CFHR2: variants seen among roughly 807,000 people sequenced by gnomAD.
CFHR2 encodes the protein complement factor H-related protein 2.
CFHR2 carries 22 observed loss-of-function variants against 21.7 expected under a neutral mutation model. That is an observed-to-expected ratio of 1.01 (90% confidence interval 0.72 to 1.45). The LOEUF (loss-of-function observed/expected upper bound fraction) is 1.45, where lower values mean the gene tolerates loss of function less well. Among genes scored for constraint, CFHR2 ranks in the 40% most tolerant of loss-of-function variants. The pLI, the probability that CFHR2 is intolerant of heterozygous loss-of-function variation, is 0.00. For synonymous variants in CFHR2, 98 were observed against 97.4 expected (o/e 1.01, Z -0.04); for missense variants, 294 against 293.3 (o/e 1.00, Z -0.02).
intron 3 of CFHR2, among the ~76,000 whole-genome samples, chr1:196,955,935 C>T (rs1571494980): frequency 6.6e-6 from 1 of 152,266 alleles, no homozygotes; most frequent in East Asian, 1.9e-4. Flanking sequence ...ACAATAATGG[C>T]AGAAGCGGGG....
At chr1:196,953,805 T>C (rs548073479) in intron 3 of CFHR2, among the ~76,000 whole-genome samples, 194 of 152,330 alleles carry the variant, frequency 1.3e-3, no homozygotes, top group Non-Finnish European at 2.2e-3. Flanking sequence ...TTACTTTAAA[T>C]ATTTATGAGA....
intron 1 of CFHR2, 50 bp from the exon 2 acceptor site, chr1:196,949,405 T>C: frequency 6.6e-7 from 1 of 1,521,846 alleles, no homozygotes; most frequent in Non-Finnish European, 9.0e-7. Context: ...TCTAGTGATT[T>C]ATTTATGTAG....
At chr1:196,950,024 G>A (rs1406602605) in intron 2 of CFHR2, among the ~76,000 whole-genome samples, 1 of 152,090 alleles carries the variant, frequency 6.6e-6, no homozygotes, top group Non-Finnish European at 1.5e-5. Flanking sequence ...CATATTACAA[G>A]GAGGTTTAGC....
chr1:196,951,452 T>A (rs1659723496), intron 3 of CFHR2, among the ~76,000 whole-genome samples: 1 of 152,210 alleles, frequency 6.6e-6, no homozygotes, highest in African/African-American at 2.4e-5. Flanking sequence ...CAATAAATCA[T>A]CAATTCTTAA....
intron 3 of CFHR2, among the ~76,000 whole-genome samples, chr1:196,952,178 A>T (rs1052231515): frequency 2.0e-4 from 30 of 152,108 alleles, no homozygotes; most frequent in African/African-American, 7.2e-4. Flanking sequence ...GGTAAGTCTG[A>T]AGTAGGAGGA....
At chr1:196,957,305 A>T (rs1206194905) in intron 3 of CFHR2, among the ~76,000 whole-genome samples, 1 of 151,684 alleles carries the variant, frequency 6.6e-6, no homozygotes, top group Non-Finnish European at 1.5e-5. Flanking sequence ...CAGCAACTTC[A>T]AATTCTCTAC....
intron 1 of CFHR2, among the ~76,000 whole-genome samples, chr1:196,945,246 T>G (rs1229092716): frequency 6.7e-6 from 1 of 149,612 alleles, no homozygotes; most frequent in Non-Finnish European, 1.5e-5. Flanking sequence ...ATTGTATGAG[T>G]GTATTTGATT....
chr1:196,956,769 C>T (rs1652898273), intron 3 of CFHR2, among the ~76,000 whole-genome samples: 1 of 151,242 alleles, frequency 6.6e-6, no homozygotes, highest in Non-Finnish European at 1.5e-5. Context: ...TAATAATTGT[C>T]TTTTCCCTTT....
chr1:196,959,198 T>C lies in CFHR2; in HGVS notation c.*118T>C. 1 of 768,680 alleles carries C rather than the reference T, an allele frequency of 1.3e-6. No individual in the cohort carries two copies. Among genetic ancestry groups the C allele is most frequent in the Non-Finnish European group, 2.0e-6 (1 of 492,936 alleles). The allele number at this position is 768,680 out of a possible 1,614,324, so 47.6% of individuals were successfully genotyped here. A position where few individuals can be genotyped will look rare whatever the true frequency, so the allele number is the denominator to read the frequency against. ...TCATTTTTATTCATAAATAAAGTTT[T>C]GTGTTGATTTGTGAAAATGCAATTA... On this transcript the variant is annotated 3_prime_UTR_variant, in exon 5 of 5. Transcript: ENST00000367415.
At chr1:196,950,047 A>G (rs545338751) in intron 2 of CFHR2, among the ~76,000 whole-genome samples, 72 of 152,310 alleles carry the variant, frequency 4.7e-4, no homozygotes, top group African/African-American at 1.6e-3. Context: ...TTTCACTTTT[A>G]TATTTCAATA....
intron 3 of CFHR2, 146 bp from the exon 4 acceptor site, chr1:196,957,745 G>A (rs1238561337): frequency 1.2e-5 from 8 of 692,528 alleles, no homozygotes; most frequent in Non-Finnish European, 1.9e-5. Flanking sequence ...CTTTCAGTTT[G>A]TAGGATAAAT....
chr1:196,958,415 T>TGAGA lies in CFHR2; in HGVS notation c.613+361_613+364dup, dbSNP rs894664239. Among the ~76,000 whole-genome samples the TGAGA allele has an allele frequency of 4.8e-5, 7 of 145,182 alleles. No individual in the cohort carries two copies. The East Asian group carries it at 6.0e-4, about 12-fold the overall frequency. On this transcript the variant is annotated intron_variant, in intron 4 of 4. Transcript: ENST00000367415. ...GTAAGTGTGTGTGTGTGTGTGTGTGTGAGAGAGAGAGAGAGAGAGAGATGA... is the reference window on the plus strand; with the variant it reads ...GTAAGTGTGTGTGTGTGTGTGTGTGTGAGAGAGAGAGAGAGAGAGAGAGAGATGA...
intron 3 of CFHR2, among the ~76,000 whole-genome samples, chr1:196,952,929 A>G (rs1053628654): frequency 3.9e-5 from 6 of 152,224 alleles, no homozygotes; most frequent in African/African-American, 1.4e-4. Context: ...GCATAAGGCA[A>G]CATATTGAGG....
At position 196,958,055 on chromosome 1, in the gene CFHR2, G is replaced by T. The variant is rs41257904; in HGVS notation, c.595G>T (p.Glu199Ter). 14,815 of 1,613,384 alleles carry T rather than the reference G, an allele frequency of 9.2e-3. 120 individuals are homozygous for T. The highest frequency in any genetic ancestry group is 0.01 in the Non-Finnish European group (12,155 of 1,179,478). ...QITCRNGQWS[E>*]PPKCLDPCVI... Reference sequence around the variant, plus strand: ...AACATGTAGAAACGGACAATGGTCAGAACCACCAAAATGCTTAGGTAAGTA... The same window carrying T: ...AACATGTAGAAACGGACAATGGTCATAACCACCAAAATGCTTAGGTAAGTA... The change falls in exon 4 of 5, where the codon GAA (glutamate) becomes TAA (stop). Residue 199 changes from glutamate (E) to a stop codon, truncating the protein, a stop_gained. Transcript: ENST00000367415. LOFTEE classifies it low-confidence loss of function (END_TRUNC).
chr1:196,953,243 ATTATTTAT>A (rs138646935), intron 3 of CFHR2, among the ~76,000 whole-genome samples: 38 of 150,236 alleles, frequency 2.5e-4, no homozygotes, highest in African/African-American at 5.1e-4. Flanking sequence ...ATCAGCCAAG[ATTATTTAT>A]TTATTTATTT....
At chr1:196,951,161 A>C (rs1298147086) in intron 3 of CFHR2, 133 bp downstream of exon 3, 7 of 1,135,526 alleles carry the variant, frequency 6.2e-6, no homozygotes, top group Non-Finnish European at 8.6e-6. Flanking sequence ...TTTGATTCTC[A>C]GTTCCAATTG....
intron 3 of CFHR2, among the ~76,000 whole-genome samples, chr1:196,956,286 G>A (rs140194010): frequency 5.9e-5 from 9 of 152,214 alleles, no homozygotes; most frequent in Middle Eastern, 3.4e-3. Flanking sequence ...TTCCCTTCTT[G>A]TATTTTTGAT....
intron 3 of CFHR2, among the ~76,000 whole-genome samples, chr1:196,957,256 T>C (rs1652922401): frequency 6.6e-6 from 1 of 152,096 alleles, no homozygotes; most frequent in Non-Finnish European, 1.5e-5. Context: ...AAAACCCACA[T>C]GACACCCTGC....
At chr1:196,949,112 T>A (rs745386509) in intron 1 of CFHR2, among the ~76,000 whole-genome samples, 10 of 152,192 alleles carry the variant, frequency 6.6e-5, no homozygotes, top group African/African-American at 2.4e-4. Flanking sequence ...ACTCCTCTAC[T>A]GTATACTAAG....
Sources: allele counts gnomAD v4.1 joint callset (sites outside exome capture counted in the v4.1 genomes callset), GRCh38; gene constraint gnomAD v4.1.1; transcripts MANE v1.5; gene names NCBI Gene and HGNC (gene_info 2026-07-23, HGNC 2026-07-21).